Variants in AJAP1 observed in about 807,000 individuals in gnomAD.
AJAP1 encodes the protein adherens junctions associated protein 1, also known as adherens junction-associated protein 1.
A neutral mutation model predicts 35.0 loss-of-function variants in AJAP1; 5 were observed. The observed-to-expected ratio is 0.14, with a 90% CI of 0.07 to 0.30. AJAP1 has a LOEUF of 0.30. Among genes scored for constraint, AJAP1 ranks in the 10% least tolerant of loss-of-function variants. AJAP1 has a pLI of 1.00. For synonymous variants in AJAP1, 284 were observed against 249.3 expected, an observed-to-expected ratio of 1.14 and a Z score of -1.31; for missense variants, 586 against 571.0, an observed-to-expected ratio of 1.03 and a Z score of -0.27.
intron 1 of AJAP1, among the ~76,000 whole-genome samples, chr1:4,679,326 C>T (rs1432404610): frequency 6.6e-6 from 1 of 152,032 alleles, no homozygotes; most frequent in Admixed American, 6.6e-5. Context: ...GTCCCATGTC[C>T]CCAGCTACTA....
At chr1:4,678,762 G>A (rs779169842) in intron 1 of AJAP1, among the ~76,000 whole-genome samples, 2 of 152,216 alleles carry the variant, frequency 1.3e-5, no homozygotes, top group Non-Finnish European at 2.9e-5. Context: ...AGGAGGTGGG[G>A]ACCCTGCCTG....
rs1391856589 is a variant in AJAP1, at chr1:4,790,864, CAT to C, written c.*8380_*8381del. The C allele has an allele frequency of 3.3e-5, 5 of 152,342 alleles. No individual in the cohort carries two copies. The highest frequency in any genetic ancestry group is 3.9e-4 in the East Asian group (2 of 5,182). 9.4% of individuals were successfully genotyped at this position (152,342 alleles called of 1,614,324 possible). Reference sequence around the variant, plus strand: ...ATGAAACATTGAGATTTGGCAGAAACATGTGCCTAGTTTGCAGCACCAAATAC... The same window carrying C: ...ATGAAACATTGAGATTTGGCAGAAACGTGCCTAGTTTGCAGCACCAAATAC... On this transcript the variant is annotated 3_prime_UTR_variant, in exon 6 of 6. Coordinates refer to ENST00000378191, the MANE Select transcript of AJAP1 (RefSeq NM_018836.4).
chr1:4,710,474 C>T (rs535651549), intron 1 of AJAP1, among the ~76,000 whole-genome samples: 3 of 152,032 alleles, frequency 2.0e-5, no homozygotes, highest in East Asian at 3.9e-4. Context: ...CACTCACATA[C>T]GTGTGCTTGC....
chr1:4,674,004 C>T (rs1305249673), intron 1 of AJAP1, among the ~76,000 whole-genome samples: 1 of 136,490 alleles, frequency 7.3e-6, no homozygotes, highest in Non-Finnish European at 1.5e-5. Flanking sequence ...TAACTATGTT[C>T]CAGGTTTTGC....
At chr1:4,677,993 G>A (rs950294481) in intron 1 of AJAP1, among the ~76,000 whole-genome samples, 2 of 152,206 alleles carry the variant, frequency 1.3e-5, no homozygotes, top group Non-Finnish European at 2.9e-5. Context: ...GATCAGCCCT[G>A]GTGCCGTCAG....
intron 5 of AJAP1, among the ~76,000 whole-genome samples, chr1:4,780,633 C>CTTTCT (rs1553162355): frequency 3.0e-5 from 4 of 131,458 alleles, no homozygotes; most frequent in Non-Finnish European, 4.8e-5. Context: ...TTCTTTCTTT[C>CTTTCT]TTTTTTTTTT....
intron 1 of AJAP1, among the ~76,000 whole-genome samples, chr1:4,674,029 TC>T (rs77073053): frequency 0.44 from 47,780 of 108,832 alleles, 9,494 homozygotes; most frequent in East Asian, 0.61. Context: ...GATAGGCTTA[TC>T]CCCCCCGCCA....
chr1:4,713,933 G>A (rs1257104387), intron 2 of AJAP1, among the ~76,000 whole-genome samples: 2 of 152,182 alleles, frequency 1.3e-5, no homozygotes, highest in Non-Finnish European at 2.9e-5. Context: ...GCAGGCGGCC[G>A]GCATGGCATC....
chr1:4,683,507 GT>G (rs1557607242), intron 1 of AJAP1, among the ~76,000 whole-genome samples: 1 of 152,220 alleles, frequency 6.6e-6, no homozygotes, highest in South Asian at 2.1e-4. Flanking sequence ...ATTTCAGTGG[GT>G]CCACTGGGAC....
At position 4,692,685 on chromosome 1, in the gene AJAP1, C is replaced by A. The variant is rs1338652154; in HGVS notation, c.30-19215C>A. ...CCTACTTGGCATTGGAGACCCATCA[C>A]TTCCTCCAAGCAGCCTTCCAGGCTC... On this transcript the variant is annotated intron_variant, in intron 1 of 5. Coordinates refer to ENST00000378191, the MANE Select transcript of AJAP1 (RefSeq NM_018836.4). The surrounding 1 kb of genome is among the most constrained non-coding windows in gnomAD (Gnocchi z 4.4). Among the ~76,000 whole-genome samples the A allele has an allele frequency of 1.3e-5, 2 of 152,244 alleles. No homozygotes were observed. The highest frequency in any genetic ancestry group is 3.9e-4 in the East Asian group (2 of 5,184).
intron 5 of AJAP1, among the ~76,000 whole-genome samples, chr1:4,776,948 C>T (rs764621293): frequency 1.3e-5 from 2 of 152,242 alleles, no homozygotes; most frequent in Admixed American, 6.5e-5. Flanking sequence ...CACGAAGCCA[C>T]GGCCCACTCC....
At chr1:4,674,042 CAAA>C (rs57335438) in intron 1 of AJAP1, among the ~76,000 whole-genome samples, 16 of 81,948 alleles carry the variant, frequency 2.0e-4, no homozygotes, top group African/African-American at 4.2e-4. Context: ...CCCCCGCCAC[CAAA>C]AAAAAAAAAA....
At chr1:4,738,979 G>A (rs1343362369) in intron 2 of AJAP1, among the ~76,000 whole-genome samples, 2 of 152,054 alleles carry the variant, frequency 1.3e-5, no homozygotes, top group Non-Finnish European at 2.9e-5. Flanking sequence ...CACATCTGGG[G>A]GTTTGGACAC....
chr1:4,733,566 A>G (rs1251160357), intron 2 of AJAP1, among the ~76,000 whole-genome samples: 1 of 151,072 alleles, frequency 6.6e-6, no homozygotes, highest in Non-Finnish European at 1.5e-5. Flanking sequence ...GAGCAAGTCC[A>G]ATTGCACAGC....
chr1:4,703,403 C>T (rs1640032302), intron 1 of AJAP1, among the ~76,000 whole-genome samples: 1 of 151,998 alleles, frequency 6.6e-6, no homozygotes, highest in Non-Finnish European at 1.5e-5. Flanking sequence ...CGGGGGGACA[C>T]AGAGCGAGCC....
intron 2 of AJAP1, among the ~76,000 whole-genome samples, chr1:4,739,025 A>G (rs1380261784): frequency 6.6e-6 from 1 of 152,106 alleles, no homozygotes; most frequent in Non-Finnish European, 1.5e-5. Context: ...TGGGGGAGGC[A>G]GGGCCACTGC....
Position 4,720,263 on chromosome 1 carries a change from AC to A in AJAP1, c.829+7565del, listed in dbSNP as rs1360701456. ...GGGTCCCCGCTTTCGATGTGGTTCA[AC>A]ATGGTTCAGTGAATCTCACAACCGT... On this transcript the variant is annotated intron_variant, in intron 2 of 5. Coordinates refer to ENST00000378191, the MANE Select transcript of AJAP1 (RefSeq NM_018836.4). The surrounding 1 kb of genome is among the most constrained non-coding windows in gnomAD (Gnocchi z 4.4). Among the ~76,000 whole-genome samples the A allele has an allele frequency of 2.6e-5, 4 of 152,216 alleles. No homozygotes were observed. Among genetic ancestry groups the A allele is most frequent in the African/African-American group, 9.6e-5 (4 of 41,462 alleles).
chr1:4,685,798 T>G (rs934810662), intron 1 of AJAP1, among the ~76,000 whole-genome samples: 1 of 152,242 alleles, frequency 6.6e-6, no homozygotes, highest in Non-Finnish European at 1.5e-5. Context: ...CCATGGCCTT[T>G]CCTGGGTAGA....
intron 2 of AJAP1, among the ~76,000 whole-genome samples, chr1:4,755,578 G>T (rs183535738): frequency 2.0e-5 from 3 of 152,014 alleles, no homozygotes; most frequent in African/African-American, 7.3e-5. Flanking sequence ...GTCTAGTACC[G>T]GGGGTTTGAC....
Sources: allele counts gnomAD v4.1 joint callset (sites outside exome capture counted in the v4.1 genomes callset), GRCh38; gene constraint gnomAD v4.1.1; non-coding constraint Gnocchi (gnomAD v3.1); transcripts MANE v1.5; gene names NCBI Gene and HGNC (gene_info 2026-07-23, HGNC 2026-07-21).